The following ARID1B variants were observed in gnomAD, a reference collection of about 807,000 sequenced individuals.
ARID1B encodes AT-rich interaction domain 1B, also known as AT-rich interactive domain-containing protein 1B.
Under a neutral mutation model 212.3 loss-of-function variants are expected in ARID1B, and 30 were observed. That is an observed-to-expected ratio of 0.14 (90% CI 0.11 to 0.19). The LOEUF is 0.19. Among genes scored for constraint, ARID1B ranks in the 10% least tolerant of loss-of-function variants. ARID1B has a pLI of 1.00. For synonymous variants in ARID1B, 1,402 were observed against 1,301.7 expected (o/e 1.08, Z -1.66); for missense variants, 2,891 against 3,204.0 (o/e 0.90, Z 2.36).
intron 2 of ARID1B, among the ~76,000 whole-genome samples, chr6:156,890,378 C>T (rs190895762): frequency 7.0e-4 from 106 of 152,154 alleles, no homozygotes; most frequent in Admixed American, 2.9e-3. Flanking sequence ...AAATTTGTCA[C>T]GAAAAAGACT....
chr6:156,944,478 A>C (rs191265428), intron 4 of ARID1B, among the ~76,000 whole-genome samples: 8 of 152,284 alleles, frequency 5.3e-5, no homozygotes, highest in African/African-American at 1.9e-4. Context: ...ATGTCGTTGC[A>C]TATAGGGAAG....
At chr6:157,140,452 AGAGT>A (rs1789266415) in intron 7 of ARID1B, among the ~76,000 whole-genome samples, 1 of 152,246 alleles carries the variant, frequency 6.6e-6, no homozygotes, top group Admixed American at 6.5e-5. Context: ...CCTGGGCGAC[AGAGT>A]GAGACCTTGT....
At chr6:157,032,826 C>A (rs1419480772) in intron 4 of ARID1B, among the ~76,000 whole-genome samples, 2 of 152,134 alleles carry the variant, frequency 1.3e-5, no homozygotes, top group South Asian at 2.1e-4. Context: ...CTCACCCCCA[C>A]CTTTTTTAAA....
rs1349412123 is a variant in ARID1B, at chr6:156,777,933, G to T, written c.253G>T (p.Ala85Ser). Reference protein sequence around the residue: ...PLLPRHELNMAHNAGAAAAAG... With the variant: ...PLLPRHELNMSHNAGAAAAAG... ...GCTCCCCCGTCACGAACTCAACATGGCCCATAACGCGGGCGCCGCGGCCGC... is the reference window on the plus strand; with the variant it reads ...GCTCCCCCGTCACGAACTCAACATGTCCCATAACGCGGGCGCCGCGGCCGC... The change falls in exon 1 of 20, where the codon GCC becomes TCC. Residue 85 changes from alanine to serine, a missense_variant. Around this residue, in one of 7 missense-constraint regions of ARID1B, gnomAD observed 1,643 missense variants for 1,544.0 expected, o/e 1.06. Coordinates refer to ENST00000636930, the MANE Select transcript of ARID1B (RefSeq NM_001374828.1). 1 of 1,527,728 alleles carries T rather than the reference G, an allele frequency of 6.5e-7. No homozygotes were observed. The highest frequency in any genetic ancestry group is 8.7e-7 in the Non-Finnish European group (1 of 1,144,028). 94.6% of individuals were successfully genotyped at this position (1,527,728 alleles called of 1,614,324 possible).
At position 157,203,883 on chromosome 6, in the gene ARID1B, C is replaced by T. The variant is rs971322691; in HGVS notation, c.5281C>T (p.Arg1761Cys). 6.2e-7 allele frequency: 1 copy of T among 1,614,098 alleles called. No individual in the cohort carries two copies. Among genetic ancestry groups the T allele is most frequent in the Non-Finnish European group, 8.5e-7 (1 of 1,179,960 alleles). Residue 1761 changes from arginine (R) to cysteine (C), a missense_variant, in exon 19 of 20, where the codon CGT (arginine) becomes TGT (cysteine). Physicochemically the swap from Arg to Cys is radical, Grantham distance 180. Around this residue, in one of 7 missense-constraint regions of ARID1B, gnomAD observed 666 missense variants for 873.5 expected, o/e 0.76. Transcript: ENST00000636930. The surrounding 1 kb of genome is among the most constrained non-coding windows in gnomAD (Gnocchi z 4.4). ...SKDIVTPEAW[R>C]VMMSLKSGLL... ...ATCTTCAGTTACTCCTGAGGCGTGG[C>T]GTGTGATGATGTCCCTTAAATCAGG...
Position 156,803,566 on chromosome 6 carries a change from T to G in ARID1B, c.1791+24095T>G, listed in dbSNP as rs532085533. Among the ~76,000 whole-genome samples the G allele has an allele frequency of 2.6e-5, 4 of 152,252 alleles. No homozygotes were observed. The East Asian group carries it at 7.7e-4, about 29-fold the overall frequency. On this transcript the variant is annotated intron_variant, in intron 1 of 19. Transcript: ENST00000636930. ...ATTTATGATTTTTCCCTCCTTTCTC[T>G]TCAAGTGAATGCTTTATTTTTGTTT... is the stretch of plus-strand genomic sequence containing the variant.
chr6:157,049,219 CTG>C (rs1562577388), intron 4 of ARID1B, among the ~76,000 whole-genome samples: 1 of 151,686 alleles, frequency 6.6e-6, no homozygotes, highest in African/African-American at 2.4e-5. Context: ...TTGCTGCTCA[CTG>C]TGCCCAGCAA....
intron 4 of ARID1B, among the ~76,000 whole-genome samples, chr6:157,047,656 G>A (rs1483037276): frequency 6.6e-6 from 1 of 152,186 alleles, no homozygotes; most frequent in Non-Finnish European, 1.5e-5. Context: ...ATGGCCTCAC[G>A]TGCTATGTGT....
chr6:157,068,359 G>A (rs1212964606), intron 4 of ARID1B, among the ~76,000 whole-genome samples: 3 of 152,204 alleles, frequency 2.0e-5, no homozygotes, highest in African/African-American at 7.2e-5. Context: ...AGAGGTAGCT[G>A]TCTTCAGCTG....
intron 3 of ARID1B, among the ~76,000 whole-genome samples, chr6:156,934,922 AT>A (rs1250551830): frequency 2.9e-5 from 1 of 34,040 alleles, no homozygotes; most frequent in African/African-American, 9.6e-5. Flanking sequence ...TTATATATAT[AT>A]ATATATATAT....
intron 15 of ARID1B, chr6:157,193,543 G>T (rs531310022): frequency 6.6e-6 from 1 of 152,244 alleles, no homozygotes; most frequent in East Asian, 1.9e-4. Flanking sequence ...CCATCATCTG[G>T]GAGCCAGGCT....
intron 3 of ARID1B, among the ~76,000 whole-genome samples, chr6:156,916,612 G>T (rs1485032987): frequency 6.6e-6 from 1 of 151,796 alleles, no homozygotes; most frequent in Non-Finnish European, 1.5e-5. Context: ...GTTTTGTTTT[G>T]CTCTAACGTT....
chr6:156,949,706 GCATC>G (rs1267983148), intron 4 of ARID1B, among the ~76,000 whole-genome samples: 1 of 152,138 alleles, frequency 6.6e-6, no homozygotes, highest in Non-Finnish European at 1.5e-5. Context: ...AGGTTCTTCT[GCATC>G]CATTTTATTT....
intron 4 of ARID1B, among the ~76,000 whole-genome samples, chr6:157,056,943 G>A (rs535755993): frequency 3.3e-5 from 5 of 149,978 alleles, no homozygotes; most frequent in Non-Finnish European, 7.4e-5. Context: ...GTGCAGGTTT[G>A]TTGTGTAGGT....
At chr6:157,187,736 A>AT (rs34547253) in intron 13 of ARID1B, among the ~76,000 whole-genome samples, 80 of 138,452 alleles carry the variant, frequency 5.8e-4, no homozygotes, top group East Asian at 1.9e-3. Context: ...GGTTGCATTC[A>AT]TTTTTTTTTT....
intron 4 of ARID1B, chr6:157,024,219 G>A (rs959064727): frequency 1.3e-5 from 2 of 152,214 alleles, no homozygotes; most frequent in Non-Finnish European, 2.9e-5. Context: ...ACTCTTTCAG[G>A]AACTGGGGTC....
rs905892145 is a variant in ARID1B at position 156,901,411 on chromosome 6, T to C, written c.2022T>C (p.Gly674=). 2 of 1,614,058 alleles carry C rather than the reference T, an allele frequency of 1.2e-6. No homozygotes were observed. Among genetic ancestry groups the C allele is most frequent in the Non-Finnish European group, 8.5e-7 (1 of 1,180,054 alleles). The change falls in exon 3 of 20, where the codon GGT becomes GGC. Residue 674 remains glycine, a synonymous_variant. Coordinates refer to ENST00000636930, the MANE Select transcript of ARID1B (RefSeq NM_001374828.1). ...AGTATGGACAGCAAGGTGTGAGTGG[T>C]TACTGCCAGCAGGGCCAACAGCCAT... is the stretch of plus-strand genomic sequence containing the variant. ...PPQYGQQGVS[G]YCQQGQQPYY...
rs536339228 is a variant in ARID1B at position 156,781,860 on chromosome 6, G to A, written c.1791+2389G>A. ...GAGACGAATGAAGTTAGAGGCAGAT[G>A]TAGGACCATGTTACTTTAGAGTATT... is the stretch of plus-strand genomic sequence containing the variant. On this transcript the variant is annotated intron_variant, in intron 1 of 19. Coordinates refer to ENST00000636930, the MANE Select transcript of ARID1B (RefSeq NM_001374828.1). 3.3e-5 allele frequency among the ~76,000 whole-genome samples: 5 copies of A among 151,414 alleles called. No individual in the cohort carries two copies. In the South Asian group the frequency reaches 1.0e-3, roughly 32 times the overall value.
chr6:156,792,703 T>C (rs942864804), intron 1 of ARID1B, among the ~76,000 whole-genome samples: 1 of 152,158 alleles, frequency 6.6e-6, no homozygotes, highest in Non-Finnish European at 1.5e-5. Context: ...GTCTGAAATT[T>C]ATGAGTGCTT....
Sources: allele counts gnomAD v4.1 joint callset (sites outside exome capture counted in the v4.1 genomes callset), GRCh38; gene constraint gnomAD v4.1.1; regional missense constraint gnomAD v4.1.1; non-coding constraint Gnocchi (gnomAD v3.1); transcripts MANE v1.5; gene names NCBI Gene and HGNC (gene_info 2026-07-23, HGNC 2026-07-21).